DOK6: variants seen among roughly 807,000 people sequenced by gnomAD.
The protein encoded by DOK6 is docking protein 6.
Under a neutral mutation model 44.0 loss-of-function variants are expected in DOK6, and 22 were observed. The observed-to-expected ratio is 0.50, with a 90% CI of 0.36 to 0.71. The LOEUF is 0.71. Ranked by LOEUF, DOK6 falls within the 30% of genes least tolerant of loss-of-function variation. The pLI, the probability that DOK6 is intolerant of heterozygous loss-of-function variation, is 0.00. For synonymous variants in DOK6, 166 were observed against 145.5 expected, an observed-to-expected ratio of 1.14 and a Z score of -1.01; for missense variants, 340 against 416.4, an observed-to-expected ratio of 0.82 and a Z score of 1.60.
At chr18:69,795,808 G>T (rs1472490419) in intron 7 of DOK6, among the ~76,000 whole-genome samples, 1 of 152,152 alleles carries the variant, frequency 6.6e-6, no homozygotes. Flanking sequence ...AGTTTTATCT[G>T]CTTTTAACCA....
chr18:69,542,952 G>A (rs1982308391), intron 1 of DOK6, among the ~76,000 whole-genome samples: 1 of 151,366 alleles, frequency 6.6e-6, no homozygotes, highest in African/African-American at 2.4e-5. Context: ...TATTGCAGTC[G>A]ATTTGTCTTC....
chr18:69,542,364 G>A (rs1982292363), intron 1 of DOK6, among the ~76,000 whole-genome samples: 1 of 151,462 alleles, frequency 6.6e-6, no homozygotes, highest in African/African-American at 2.4e-5. Context: ...ATGTTTGTAA[G>A]TCACTTTACA....
chr18:69,762,755 C>A (rs556635632), intron 7 of DOK6, among the ~76,000 whole-genome samples: 2 of 152,192 alleles, frequency 1.3e-5, no homozygotes, highest in African/African-American at 4.8e-5. Context: ...ACACCTATAA[C>A]TTCAGTTGTC....
At chr18:69,678,355 C>T (rs748014565) in intron 4 of DOK6, among the ~76,000 whole-genome samples, 1 of 152,206 alleles carries the variant, frequency 6.6e-6, no homozygotes, top group Non-Finnish European at 1.5e-5. Flanking sequence ...GGTCTCCTGG[C>T]TTCTTGTCTG....
At chr18:69,515,675 C>G (rs1981501213) in intron 1 of DOK6, among the ~76,000 whole-genome samples, 1 of 152,164 alleles carries the variant, frequency 6.6e-6, no homozygotes, top group Admixed American at 6.5e-5. Flanking sequence ...GAAGAAGTAA[C>G]TTGAAAGTGA....
intron 1 of DOK6, among the ~76,000 whole-genome samples, chr18:69,414,326 A>G (rs1775486074): frequency 6.6e-6 from 1 of 152,090 alleles, no homozygotes; most frequent in Non-Finnish European, 1.5e-5. Context: ...TAAATTGAAG[A>G]TAAACCAGAT....
chr18:69,495,356 C>T (rs992544489), intron 1 of DOK6, among the ~76,000 whole-genome samples: 8 of 152,184 alleles, frequency 5.3e-5, no homozygotes, highest in African/African-American at 9.7e-5. Flanking sequence ...CCACATTTCT[C>T]GAGTTCTTTT....
chr18:69,808,070 G>A (rs946912156), intron 7 of DOK6, among the ~76,000 whole-genome samples: 4 of 151,808 alleles, frequency 2.6e-5, no homozygotes, highest in African/African-American at 7.2e-5. Flanking sequence ...ACAAATTTAA[G>A]AGGACTGAAA....
intron 1 of DOK6, among the ~76,000 whole-genome samples, chr18:69,431,561 G>A (rs1379119635): frequency 6.6e-6 from 1 of 152,142 alleles, no homozygotes; most frequent in Non-Finnish European, 1.5e-5. Context: ...GGGAGAAAGG[G>A]TGACTCCTGT....
chr18:69,779,821 T>C (rs1568124311), intron 7 of DOK6, among the ~76,000 whole-genome samples: 1 of 151,974 alleles, frequency 6.6e-6, no homozygotes, highest in Non-Finnish European at 1.5e-5. Flanking sequence ...CAGAAGATAC[T>C]ATTGATCATG....
At chr18:69,584,446 C>A (rs2144612389) in intron 2 of DOK6, among the ~76,000 whole-genome samples, 1 of 152,102 alleles carries the variant, frequency 6.6e-6, no homozygotes, top group East Asian at 1.9e-4. Flanking sequence ...CTGTGGCCAC[C>A]AGCCCGGCTA....
chr18:69,766,359 T>G (rs1420866817), intron 7 of DOK6, among the ~76,000 whole-genome samples: 6 of 152,126 alleles, frequency 3.9e-5, no homozygotes, highest in African/African-American at 1.2e-4. Flanking sequence ...TATACCCAGC[T>G]AACAACCCTG....
intron 3 of DOK6, among the ~76,000 whole-genome samples, chr18:69,643,245 A>G (rs1984988639): frequency 6.6e-6 from 1 of 152,204 alleles, no homozygotes; most frequent in Non-Finnish European, 1.5e-5. Context: ...ATTGACATTG[A>G]TGCAATCCAC....
chr18:69,807,850 G>A lies in DOK6; in HGVS notation c.857-33394G>A, dbSNP rs556374739. On this transcript the variant is annotated intron_variant, in intron 7 of 7. Coordinates refer to ENST00000382713, the MANE Select transcript of DOK6 (RefSeq NM_152721.6). ...AGACTCTAAAACAATAATAATAAGA[G>A]ACTGCAATATCTTACTTTTAGCAAT... 3.5e-4 allele frequency among the ~76,000 whole-genome samples: 53 copies of A among 151,706 alleles called. 2 individuals are homozygous for A. Among genetic ancestry groups the A allele is most frequent in the Middle Eastern group, 6.8e-3 (2 of 294 alleles).
At chr18:69,633,629 A>G (rs1033411710) in intron 3 of DOK6, among the ~76,000 whole-genome samples, 3 of 152,174 alleles carry the variant, frequency 2.0e-5, no homozygotes, top group Non-Finnish European at 4.4e-5. Context: ...TTTAAAGCCT[A>G]TTTTACACAA....
At chr18:69,642,324 TTTTTA>T (rs565530201) in intron 3 of DOK6, among the ~76,000 whole-genome samples, 4 of 152,282 alleles carry the variant, frequency 2.6e-5, no homozygotes, top group Admixed American at 2.0e-4. Context: ...CCTATAGCGA[TTTTTA>T]TTTTATTTTA....
intron 1 of DOK6, among the ~76,000 whole-genome samples, chr18:69,541,862 C>G (rs1005611177): frequency 2.6e-5 from 4 of 151,424 alleles, no homozygotes; most frequent in Non-Finnish European, 5.9e-5. Flanking sequence ...AAAAAGTAAT[C>G]AATTTGGCCA....
At chr18:69,771,784 A>G (rs1979893485) in intron 7 of DOK6, among the ~76,000 whole-genome samples, 1 of 152,054 alleles carries the variant, frequency 6.6e-6, no homozygotes, top group Non-Finnish European at 1.5e-5. Flanking sequence ...CTGAAGACAG[A>G]GAGATGAAGA....
intron 1 of DOK6, among the ~76,000 whole-genome samples, chr18:69,553,411 C>T (rs978937678): frequency 6.6e-6 from 1 of 152,172 alleles, no homozygotes; most frequent in Non-Finnish European, 1.5e-5. Context: ...TCTGGTACAA[C>T]ACAGTTTAGA....
Sources: allele counts gnomAD v4.1 joint callset (sites outside exome capture counted in the v4.1 genomes callset), GRCh38; gene constraint gnomAD v4.1.1; transcripts MANE v1.5; gene names NCBI Gene and HGNC (gene_info 2026-07-23, HGNC 2026-07-21).